NRG1: variants seen among roughly 807,000 people sequenced by gnomAD.
NRG1 encodes neuregulin 1.
NRG1 carries 18 observed loss-of-function variants against 63.8 expected under a neutral mutation model. The ratio of observed to expected loss-of-function variants is 0.28; its 90% CI spans 0.19 to 0.42. NRG1 has a LOEUF of 0.42. Ranked by LOEUF, NRG1 falls within the 10% of genes least tolerant of loss-of-function variation. NRG1 has a pLI of 1.00. For missense variants in NRG1, 762 were observed against 814.7 expected, an observed-to-expected ratio of 0.94 and a Z score of 0.79; for synonymous variants, 302 against 301.3, an observed-to-expected ratio of 1.00 and a Z score of -0.02.
chr8:32,417,934 C>G (rs1450591806), intron 1 of NRG1, among the ~76,000 whole-genome samples: 1 of 151,980 alleles, frequency 6.6e-6, no homozygotes, highest in Non-Finnish European at 1.5e-5. Flanking sequence ...TTTTTATGCA[C>G]CTTTTCCAAA....
intron 1 of NRG1, among the ~76,000 whole-genome samples, chr8:31,860,888 C>T (rs1828410567): frequency 6.6e-6 from 1 of 152,122 alleles, no homozygotes; most frequent in African/African-American, 2.4e-5. Context: ...TTACTTAGCC[C>T]TTAACAACAG....
At chr8:32,108,492 C>A (rs1327217463) in intron 1 of NRG1, among the ~76,000 whole-genome samples, 1 of 152,134 alleles carries the variant, frequency 6.6e-6, no homozygotes, top group African/African-American at 2.4e-5. Context: ...AGGGAGCAGC[C>A]CTCATGGCCT....
At chr8:31,971,202 C>T (rs936258125) in intron 1 of NRG1, among the ~76,000 whole-genome samples, 1 of 151,850 alleles carries the variant, frequency 6.6e-6, no homozygotes, top group African/African-American at 2.4e-5. Flanking sequence ...TATATGTGAT[C>T]TGTATGCATT....
intron 1 of NRG1, among the ~76,000 whole-genome samples, chr8:31,728,636 C>A (rs899675824): frequency 3.3e-5 from 5 of 152,098 alleles, no homozygotes; most frequent in African/African-American, 1.2e-4. Context: ...ATTAACAATT[C>A]ACTGCTGCAT....
At chr8:32,629,805 A>G (rs184286851) in intron 5 of NRG1, among the ~76,000 whole-genome samples, 22 of 152,298 alleles carry the variant, frequency 1.4e-4, no homozygotes, top group African/African-American at 5.1e-4. Context: ...TCTACTTATT[A>G]ACTGGTCGCT....
chr8:31,937,667 G>T (rs2129620595), intron 1 of NRG1, among the ~76,000 whole-genome samples: 1 of 152,256 alleles, frequency 6.6e-6, no homozygotes, highest in Middle Eastern at 3.4e-3. Flanking sequence ...CAGTGCTGTT[G>T]GTAGGGGATG....
At chr8:32,133,750 T>A (rs117088666) in intron 1 of NRG1, among the ~76,000 whole-genome samples, 1,717 of 152,294 alleles carry the variant, frequency 0.011, 19 homozygotes, top group Middle Eastern at 0.037. Context: ...AATATGTTTT[T>A]CTGATTAAGA....
intron 1 of NRG1, among the ~76,000 whole-genome samples, chr8:32,493,876 T>C (rs1327284187): frequency 1.3e-5 from 2 of 152,208 alleles, no homozygotes; most frequent in East Asian, 3.8e-4. Flanking sequence ...TAAGGTTCCT[T>C]CTAACCCTGA....
At chr8:31,959,594 T>G (rs1162391206) in intron 1 of NRG1, among the ~76,000 whole-genome samples, 1 of 152,016 alleles carries the variant, frequency 6.6e-6, no homozygotes. Context: ...CTATCCTGAG[T>G]TGAAATAATT....
intron 1 of NRG1, among the ~76,000 whole-genome samples, chr8:32,402,946 T>TA (rs1175439337): frequency 6.6e-6 from 1 of 152,070 alleles, no homozygotes; most frequent in African/African-American, 2.4e-5. Flanking sequence ...TTACATCACT[T>TA]ACATTATTTT....
chr8:31,921,348 A>G (rs1833898507), intron 1 of NRG1, among the ~76,000 whole-genome samples: 1 of 152,156 alleles, frequency 6.6e-6, no homozygotes, highest in South Asian at 2.1e-4. Flanking sequence ...GATTGGAGCC[A>G]GTTCATGAAG....
At chr8:32,305,551 C>A (rs775814775) in intron 1 of NRG1, among the ~76,000 whole-genome samples, 1 of 152,120 alleles carries the variant, frequency 6.6e-6, no homozygotes, top group African/African-American at 2.4e-5. Context: ...GAAGGATTGC[C>A]GTGTGTATCT....
At chr8:32,473,691 G>A (rs1344376088) in intron 1 of NRG1, among the ~76,000 whole-genome samples, 1 of 151,902 alleles carries the variant, frequency 6.6e-6, no homozygotes, top group Non-Finnish European at 1.5e-5. Flanking sequence ...TATGTTTTTT[G>A]TTTGTCTTTA....
chr8:32,524,444 T>A (rs886612939), intron 1 of NRG1, among the ~76,000 whole-genome samples: 1 of 152,208 alleles, frequency 6.6e-6, no homozygotes, highest in South Asian at 2.1e-4. Flanking sequence ...TGGTTCCTTT[T>A]TCCTGGGACT....
At chr8:32,158,678 T>C (rs1838455833) in intron 1 of NRG1, among the ~76,000 whole-genome samples, 2 of 151,374 alleles carry the variant, frequency 1.3e-5, no homozygotes, top group African/African-American at 4.8e-5. Flanking sequence ...AGAGAGTAAG[T>C]TAATAAGAGG....
At chr8:32,336,588 G>A (rs1239434029) in intron 1 of NRG1, among the ~76,000 whole-genome samples, 1 of 152,152 alleles carries the variant, frequency 6.6e-6, no homozygotes, top group Non-Finnish European at 1.5e-5. Flanking sequence ...GGTGCTTAGA[G>A]GCCATGGTAG....
intron 1 of NRG1, among the ~76,000 whole-genome samples, chr8:32,015,414 G>C (rs1469314320): frequency 6.6e-6 from 1 of 152,136 alleles, no homozygotes; most frequent in Non-Finnish European, 1.5e-5. Context: ...AAAAGTTTTA[G>C]TATTACAAAG....
intron 1 of NRG1, among the ~76,000 whole-genome samples, chr8:31,930,071 T>A (rs1340733106): frequency 1.3e-5 from 2 of 152,172 alleles, no homozygotes; most frequent in Non-Finnish European, 2.9e-5. Flanking sequence ...GACTAAGAAA[T>A]TAACTAGTGA....
At chr8:32,256,178 T>A (rs1849681273) in intron 1 of NRG1, among the ~76,000 whole-genome samples, 1 of 152,216 alleles carries the variant, frequency 6.6e-6, no homozygotes. Context: ...TTCTGAAGCC[T>A]AATTCTGTCA....
Sources: gnomAD v4.1 joint callset for allele counts (sites outside exome capture counted in the v4.1 genomes callset) on GRCh38, gnomAD v4.1.1 for gene constraint, MANE v1.5 for transcripts, NCBI Gene and HGNC (gene_info 2026-07-23, HGNC 2026-07-21) for gene names.